Variants in CAPRIN1 observed in about 807,000 individuals in gnomAD.
CAPRIN1 encodes the protein caprin-1.
A neutral mutation model predicts 100.9 loss-of-function variants in CAPRIN1; 29 were observed. That is an observed-to-expected ratio of 0.29 (90% CI 0.21 to 0.39). The LOEUF is 0.39. Ranked by LOEUF, CAPRIN1 falls within the 10% of genes least tolerant of loss-of-function variation. The pLI is 1.00. For synonymous variants in CAPRIN1, 338 were observed against 307.5 expected, an observed-to-expected ratio of 1.10 and a Z score of -1.04; for missense variants, 795 against 876.7, an observed-to-expected ratio of 0.91 and a Z score of 1.18.
intron 2 of CAPRIN1, 155 bp downstream of exon 2, chr11:34,052,791 C>G (rs929257487): frequency 7.0e-7 from 1 of 1,432,782 alleles, no homozygotes; most frequent in South Asian, 1.4e-5. Context: ...TCTCCACGTT[C>G]AGCGGGAGCT....
chr11:34,089,482 C>T lies in CAPRIN1; in HGVS notation c.1293+26C>T, dbSNP rs180776774. 217 of 1,437,208 alleles carry T rather than the reference C, an allele frequency of 1.5e-4. 2 individuals carry two copies. In the Middle Eastern group the frequency reaches 1.9e-3, roughly 13 times the overall value. The allele number at this position is 1,437,208 out of a possible 1,614,324, so 89.0% of individuals were successfully genotyped here. ...GTAAGAGTGATAAAACTATTTTCTT[C>T]AGGGCCAGGTTAGGTGGCTCGTACC... is the stretch of plus-strand genomic sequence containing the variant. On this transcript the variant is annotated intron_variant, in intron 12 of 18. Coordinates refer to ENST00000341394, the MANE Select transcript of CAPRIN1 (RefSeq NM_005898.5).
chr11:34,079,940 T>G lies in CAPRIN1; in HGVS notation c.826+175T>G, dbSNP rs113574118. On this transcript the variant is annotated intron_variant, in intron 7 of 18. Coordinates refer to ENST00000341394, the MANE Select transcript of CAPRIN1 (RefSeq NM_005898.5). ...TTTTTTTTTTTTTTTTTTTTTTTTT[T>G]GGAGACAGAGTCTCGCTCTGTTGCC... is the stretch of plus-strand genomic sequence containing the variant. Among the ~76,000 whole-genome samples, 645 of 76,688 alleles carry G rather than the reference T, an allele frequency of 8.4e-3. 11 individuals carry two copies. Among genetic ancestry groups the G allele is most frequent in the African/African-American group, 0.028 (607 of 21,600 alleles). 50.3% of individuals were successfully genotyped at this position (76,688 alleles called of 152,430 possible). A position where few individuals can be genotyped will look rare whatever the true frequency, so the allele number is the denominator to read the frequency against.
At chr11:34,090,154 C>G in intron 12 of CAPRIN1, 25 bp from the exon 13 acceptor site, 1 of 1,471,942 alleles carries the variant, frequency 6.8e-7, no homozygotes, top group Non-Finnish European at 9.5e-7. Context: ...CAGGAAGAAG[C>G]TTTTATTTCT....
intron 2 of CAPRIN1, among the ~76,000 whole-genome samples, chr11:34,065,348 T>A (rs1246698050): frequency 6.6e-6 from 1 of 152,244 alleles, no homozygotes; most frequent in Non-Finnish European, 1.5e-5. Context: ...CTATTACAAG[T>A]TAATTACAAT....
chr11:34,079,509 GTATATGTGT>G, intron 6 of CAPRIN1, 110 bp from the exon 7 acceptor site: 1 of 587,464 alleles, frequency 1.7e-6, no homozygotes, highest in Non-Finnish European at 2.9e-6. Flanking sequence ...CTTTTTATGT[GTATATGTGT>G]TTTAGTAACA....
chr11:34,096,827 AT>A (rs1242358543), intron 16 of CAPRIN1, among the ~76,000 whole-genome samples, 154 bp downstream of exon 16: 5 of 152,284 alleles, frequency 3.3e-5, no homozygotes, highest in African/African-American at 1.2e-4. Flanking sequence ...CAATTTGTGT[AT>A]TTGGTATAAT....
intron 2 of CAPRIN1, among the ~76,000 whole-genome samples, chr11:34,069,097 A>T (rs557214160): frequency 6.6e-6 from 1 of 151,248 alleles, no homozygotes; most frequent in South Asian, 2.1e-4. Flanking sequence ...AGGAATTGTG[A>T]TTATAATATT....
At chr11:34,063,436 G>A (rs1225903896) in intron 2 of CAPRIN1, 1 of 152,194 alleles carries the variant, frequency 6.6e-6, no homozygotes, top group Non-Finnish European at 1.5e-5. Context: ...TCCCTGATAG[G>A]TTTAGCTACC....
intron 2 of CAPRIN1, 106 bp from the exon 3 acceptor site, chr11:34,071,620 C>T (rs1850805730): frequency 1.2e-6 from 1 of 813,464 alleles, no homozygotes; most frequent in Non-Finnish European, 2.0e-6. Context: ...TTATTTAAGT[C>T]AAAATTTGAG....
intron 2 of CAPRIN1, chr11:34,052,976 T>A: frequency 9.3e-7 from 1 of 1,076,140 alleles, no homozygotes. Context: ...GGTGCCCTTC[T>A]TTCCGTCTCT....
intron 11 of CAPRIN1, among the ~76,000 whole-genome samples, chr11:34,087,112 C>T (rs1183845065): frequency 6.6e-6 from 1 of 152,144 alleles, no homozygotes; most frequent in Non-Finnish European, 1.5e-5. Context: ...TGGACCTTCT[C>T]TCCAGGACTA....
chr11:34,097,148 T>G, intron 16 of CAPRIN1, 48 bp from the exon 17 acceptor site: 1 of 1,344,498 alleles, frequency 7.4e-7, no homozygotes. Context: ...AAGTAAAAAT[T>G]CCTTGTGAAG....
At position 34,059,873 on chromosome 11, in the gene CAPRIN1, A is replaced by G. The variant is rs553317149; in HGVS notation, c.216+7237A>G. Among the ~76,000 whole-genome samples, 5 of 137,786 alleles carry G rather than the reference A, an allele frequency of 3.6e-5. No homozygotes were observed. The South Asian group carries it at 1.1e-3, about 32-fold the overall frequency. 90.4% of individuals were successfully genotyped at this position (137,786 alleles called of 152,430 possible). ...TAGAGTTGATGAGTAGGCAAGTAGA[A>G]GAATACTTTTTTTTTTTTTTTTTTT... is the stretch of plus-strand genomic sequence containing the variant. On this transcript the variant is annotated intron_variant, in intron 2 of 18. Coordinates refer to ENST00000341394, the MANE Select transcript of CAPRIN1 (RefSeq NM_005898.5).
chr11:34,097,786 A>C, intron 18 of CAPRIN1, 25 bp downstream of exon 18: 1 of 1,613,966 alleles, frequency 6.2e-7, no homozygotes, highest in Non-Finnish European at 8.5e-7. Flanking sequence ...TGGTGATCCT[A>C]GCTCCTAAGT....
intron 2 of CAPRIN1, among the ~76,000 whole-genome samples, chr11:34,070,110 C>T (rs918613477): frequency 7.4e-3 from 6 of 810 alleles, no homozygotes; most frequent in Non-Finnish European, 0.05. Context: ...TATCCTCATT[C>T]ACTGTCCTCT....
chr11:34,090,623 C>G lies in CAPRIN1; in HGVS notation c.1499C>G (p.Pro500Arg), dbSNP rs778553648. The change falls in exon 14 of 19, where the codon CCT becomes CGT. Residue 500 changes from proline (P) to arginine (R), a missense_variant. Physicochemically the swap from Pro to Arg is moderately radical, Grantham distance 103. Transcript: ENST00000341394. ...GTATTTCAGGCTGGGACAAGCAAACCTTTACATAGCAGTGGAATCAATGTA... is the reference window on the plus strand; with the variant it reads ...GTATTTCAGGCTGGGACAAGCAAACGTTTACATAGCAGTGGAATCAATGTA... ...PQVFQAGTSK[P>R]LHSSGINVNA... 6.2e-7 allele frequency: 1 copy of G among 1,614,110 alleles called. No homozygotes were observed. Among genetic ancestry groups the G allele is most frequent in the Non-Finnish European group, 8.5e-7 (1 of 1,179,980 alleles).
intron 2 of CAPRIN1, among the ~76,000 whole-genome samples, chr11:34,066,743 A>G (rs1354974761): frequency 1.3e-5 from 2 of 151,808 alleles, no homozygotes; most frequent in Non-Finnish European, 2.9e-5. Context: ...CTCCTGCCTC[A>G]GCCTCCCGAG....
At chr11:34,071,470 C>T (rs911572512) in intron 2 of CAPRIN1, among the ~76,000 whole-genome samples, 3 of 151,914 alleles carry the variant, frequency 2.0e-5, no homozygotes, top group Admixed American at 2.0e-4. Flanking sequence ...GGGGCTGATG[C>T]AGTAGAATAG....
Position 34,055,409 on chromosome 11 carries a change from G to A in CAPRIN1, c.216+2773G>A, listed in dbSNP as rs958186867. Among the ~76,000 whole-genome samples, 72 of 151,992 alleles carry A rather than the reference G, an allele frequency of 4.7e-4. 1 individual carries two copies. The highest frequency in any genetic ancestry group is 4.0e-3 in the Admixed American group (61 of 15,264). ...GTGATCTCGGTTCACTGCAACCTCCGCCTCCTGGGTTCAAGCGATTCTCCT... is the reference window on the plus strand; with the variant it reads ...GTGATCTCGGTTCACTGCAACCTCCACCTCCTGGGTTCAAGCGATTCTCCT... On this transcript the variant is annotated intron_variant, in intron 2 of 18. Coordinates refer to ENST00000341394, the MANE Select transcript of CAPRIN1 (RefSeq NM_005898.5).
Sources: gnomAD v4.1 joint callset for allele counts (sites outside exome capture counted in the v4.1 genomes callset) on GRCh38, gnomAD v4.1.1 for gene constraint, MANE v1.5 for transcripts, NCBI Gene and HGNC (gene_info 2026-07-23, HGNC 2026-07-21) for gene names.